GABRA1: variants seen among roughly 807,000 people sequenced by gnomAD.
GABRA1 encodes the protein gamma-aminobutyric acid receptor subunit alpha-1.
Under a neutral mutation model 48.9 loss-of-function variants are expected in GABRA1, and 9 were observed. That is an observed-to-expected ratio of 0.18 (90% CI 0.11 to 0.32). GABRA1 has a LOEUF of 0.32. Among genes scored for constraint, GABRA1 ranks in the 10% least tolerant of loss-of-function variants. The pLI, the probability that GABRA1 is intolerant of heterozygous loss-of-function variation, is 1.00. For missense variants in GABRA1, 285 were observed against 553.8 expected (o/e 0.51, Z 4.87); for synonymous variants, 210 against 198.7 (o/e 1.06, Z -0.48).
At chr5:161,882,424 G>A (rs1437018154) in intron 6 of GABRA1, 134 bp from the exon 7 acceptor site, 3 of 815,646 alleles carry the variant, frequency 3.7e-6, no homozygotes, top group East Asian at 5.3e-5. Flanking sequence ...TAAATTAAGG[G>A]ACATAAGCTC....
In GABRA1 at chr5:161,898,557, A is replaced by G. The variant is rs931101971; in HGVS notation, c.*1135A>G. ...GGAAATACATTTAGAACCTGCATTT[A>G]AGAACAGAACAGCAAGTATGAACCA... On this transcript the variant is annotated 3_prime_UTR_variant, in exon 10 of 10. Coordinates refer to ENST00000393943, the MANE Select transcript of GABRA1 (RefSeq NM_001127644.2). 6.6e-6 allele frequency: 1 copy of G among 152,284 alleles called. No individual in the cohort carries two copies. The highest frequency in any genetic ancestry group is 1.5e-5 in the Non-Finnish European group (1 of 68,002). The allele number at this position is 152,284 out of a possible 1,614,324, so 9.4% of individuals were successfully genotyped here.
intron 3 of GABRA1, among the ~76,000 whole-genome samples, chr5:161,855,020 G>A (rs1277190139): frequency 6.6e-6 from 1 of 151,394 alleles, no homozygotes; most frequent in African/African-American, 2.4e-5. Context: ...TGATCTCAGA[G>A]TAAAACAAGT....
chr5:161,888,581 A>C (rs1377557388), intron 7 of GABRA1, among the ~76,000 whole-genome samples: 1 of 152,104 alleles, frequency 6.6e-6, no homozygotes, highest in Non-Finnish European at 1.5e-5. Flanking sequence ...CATTATATAC[A>C]GATGAATTTT....
At position 161,897,428 on chromosome 5, in the gene GABRA1, T is replaced by C. The variant is rs1443017064; in HGVS notation, c.*6T>C. 6.2e-7 allele frequency: 1 copy of C among 1,611,398 alleles called. No individual in the cohort carries two copies. Among genetic ancestry groups the C allele is most frequent in the Admixed American group, 1.7e-5 (1 of 60,014 alleles). Reference sequence around the variant, plus strand: ...CCCCCACACCACATCAATAGATCTTTTACTCACATTCTGTTGTTCAGTCCT... The same window carrying C: ...CCCCCACACCACATCAATAGATCTTCTACTCACATTCTGTTGTTCAGTCCT... On this transcript the variant is annotated 3_prime_UTR_variant, in exon 10 of 10. Transcript: ENST00000393943.
At chr5:161,890,759 C>G in intron 7 of GABRA1, 139 bp from the exon 8 acceptor site, 3 of 761,908 alleles carry the variant, frequency 3.9e-6, no homozygotes, top group Non-Finnish European at 4.5e-6. Flanking sequence ...TGGATAAAAA[C>G]TTTTCCCTCC....
chr5:161,894,235 A>G (rs1390328474), intron 8 of GABRA1, among the ~76,000 whole-genome samples: 1 of 152,180 alleles, frequency 6.6e-6, no homozygotes, highest in Non-Finnish European at 1.5e-5. Flanking sequence ...AAAATTTTAT[A>G]AACCCCAGAA....
chr5:161,882,747 A>C, intron 7 of GABRA1, 46 bp downstream of exon 7: 4 of 1,567,706 alleles, frequency 2.6e-6, no homozygotes, highest in Non-Finnish European at 3.5e-6. Context: ...GAAGAAGAAT[A>C]ATATTTTGTG....
intron 6 of GABRA1, among the ~76,000 whole-genome samples, chr5:161,879,467 T>G (rs953804070): frequency 3.3e-5 from 5 of 152,164 alleles, no homozygotes; most frequent in Admixed American, 6.5e-5. Flanking sequence ...TATTTGAAAT[T>G]GTAACTTAAA....
chr5:161,862,166 G>T (rs188316984), intron 3 of GABRA1, among the ~76,000 whole-genome samples: 9 of 151,744 alleles, frequency 5.9e-5, no homozygotes, highest in African/African-American at 2.2e-4. Context: ...TAGACTGCAA[G>T]TTACATCATT....
At position 161,897,941 on chromosome 5, in the gene GABRA1, G is replaced by T. The variant is rs570515140; in HGVS notation, c.*519G>T. On this transcript the variant is annotated 3_prime_UTR_variant, in exon 10 of 10. Transcript: ENST00000393943. ...GTTTTGCTTTTTAAACTGATGTATA[G>T]CTTTAACATTTTGTTTCCAAAGCTG... 1.3e-5 allele frequency: 2 copies of T among 151,194 alleles called. No homozygotes were observed. The highest frequency in any genetic ancestry group is 4.9e-5 in the African/African-American group (2 of 41,152). The allele number at this position is 151,194 out of a possible 1,614,324, so 9.4% of individuals were successfully genotyped here.
chr5:161,893,518 CCAAA>C (rs149029975), intron 8 of GABRA1, among the ~76,000 whole-genome samples: 1,627 of 151,964 alleles, frequency 0.011, 32 homozygotes, highest in African/African-American at 0.037. Flanking sequence ...AACAAAAGAA[CCAAA>C]CAAACAAACA....
chr5:161,881,453 T>G (rs963207599), intron 6 of GABRA1, among the ~76,000 whole-genome samples: 7 of 152,036 alleles, frequency 4.6e-5, no homozygotes, highest in African/African-American at 1.7e-4. Flanking sequence ...AACCTCTTAT[T>G]AGGAGATGGC....
intron 7 of GABRA1, among the ~76,000 whole-genome samples, chr5:161,885,359 C>A (rs777003787): frequency 2.6e-5 from 4 of 152,020 alleles, no homozygotes; most frequent in Non-Finnish European, 5.9e-5. Flanking sequence ...CCTTGAGTAC[C>A]ATTACCTTCC....
chr5:161,852,508 G>A (rs968674687), intron 2 of GABRA1, among the ~76,000 whole-genome samples: 2 of 151,936 alleles, frequency 1.3e-5, no homozygotes, highest in African/African-American at 4.8e-5. Context: ...ATCCTTGAAA[G>A]ATGCAGGAAT....
At chr5:161,870,443 T>C (rs1371680622) in intron 4 of GABRA1, among the ~76,000 whole-genome samples, 2 of 151,192 alleles carry the variant, frequency 1.3e-5, no homozygotes, top group Non-Finnish European at 2.9e-5. Flanking sequence ...TGCCTGTAAA[T>C]CCCAGCTACT....
intron 7 of GABRA1, among the ~76,000 whole-genome samples, chr5:161,883,402 G>T (rs79604140): frequency 0.057 from 8,606 of 152,168 alleles, 316 homozygotes; most frequent in South Asian, 0.12. Context: ...CTGTGGAAAA[G>T]CTGGACCCAC....
chr5:161,891,594 C>T lies in GABRA1; in HGVS notation c.856+544C>T, dbSNP rs115404895. On this transcript the variant is annotated intron_variant, in intron 8 of 9. Coordinates refer to ENST00000393943, the MANE Select transcript of GABRA1 (RefSeq NM_001127644.2). Reference sequence around the variant, plus strand: ...TACAATATTTTTAATGACCTACATGCTTCAAGTTAAGAAATCTAATTGAGT... The same window carrying T: ...TACAATATTTTTAATGACCTACATGTTTCAAGTTAAGAAATCTAATTGAGT... Among the ~76,000 whole-genome samples, 860 of 152,252 alleles carry T rather than the reference C, an allele frequency of 5.6e-3. 9 individuals are homozygous for T. The highest frequency in any genetic ancestry group is 0.019 in the African/African-American group (793 of 41,540).
At chr5:161,888,681 T>C (rs1754954468) in intron 7 of GABRA1, among the ~76,000 whole-genome samples, 1 of 151,990 alleles carries the variant, frequency 6.6e-6, no homozygotes, top group Non-Finnish European at 1.5e-5. Context: ...AAGTGTAGCA[T>C]GGGTATGTCC....
chr5:161,855,529 G>A (rs1757614271), intron 3 of GABRA1, among the ~76,000 whole-genome samples: 1 of 151,422 alleles, frequency 6.6e-6, no homozygotes, highest in Non-Finnish European at 1.5e-5. Flanking sequence ...TTATATTGAA[G>A]TTTTTAGAAA....
Sources: allele counts gnomAD v4.1 joint callset (sites outside exome capture counted in the v4.1 genomes callset), GRCh38; gene constraint gnomAD v4.1.1; transcripts MANE v1.5; gene names NCBI Gene and HGNC (gene_info 2026-07-23, HGNC 2026-07-21).